EFR3B: variants seen among roughly 807,000 people sequenced by gnomAD.
EFR3B encodes the protein EFR3 homolog B, also known as protein EFR3 homolog B.
A neutral mutation model predicts 104.7 loss-of-function variants in EFR3B; 64 were observed. That is an observed-to-expected ratio of 0.61 (90% confidence interval 0.50 to 0.75). The LOEUF is 0.75. EFR3B is among the 30% of genes least tolerant of loss of function. EFR3B has a pLI of 0.00. For missense variants in EFR3B, 750 were observed against 1,078.5 expected (o/e 0.70, Z 4.27); for synonymous variants, 385 against 417.9 (o/e 0.92, Z 0.96).
intron 1 of EFR3B, among the ~76,000 whole-genome samples, chr2:25,051,882 C>T (rs1390713807): frequency 7.3e-5 from 11 of 150,230 alleles, no homozygotes; most frequent in South Asian, 2.1e-4. Context: ...TCAGGTGATC[C>T]GCCCACCTCG....
At chr2:25,141,131 C>T (rs935892340) in intron 16 of EFR3B, among the ~76,000 whole-genome samples, 1 of 151,784 alleles carries the variant, frequency 6.6e-6, no homozygotes, top group Admixed American at 6.6e-5. Context: ...TTGGAGGACA[C>T]TTAGTGCACA....
At chr2:25,091,195 C>T (rs1669103434) in intron 1 of EFR3B, 130 bp from the exon 2 acceptor site, 2 of 831,290 alleles carry the variant, frequency 2.4e-6, no homozygotes, top group African/African-American at 1.8e-5. Context: ...CCGAGCCCTC[C>T]AAGGGAGGGG....
intron 3 of EFR3B, among the ~76,000 whole-genome samples, chr2:25,097,014 A>G (rs1164016025): frequency 6.6e-6 from 1 of 152,250 alleles, no homozygotes; most frequent in Non-Finnish European, 1.5e-5. Flanking sequence ...TACTCAAGCA[A>G]GTAAAAATGA....
At chr2:25,067,146 A>T (rs1248697994) in intron 1 of EFR3B, among the ~76,000 whole-genome samples, 1 of 152,136 alleles carries the variant, frequency 6.6e-6, no homozygotes, top group Middle Eastern at 3.2e-3. Context: ...CTGAATTTTT[A>T]AATTTTATTT....
intron 19 of EFR3B, chr2:25,148,032 A>AC (rs905166733): frequency 2.6e-5 from 4 of 152,090 alleles, no homozygotes; most frequent in African/African-American, 9.7e-5. Flanking sequence ...TCTCAAAAAA[A>AC]AAAAAAAAAA....
In EFR3B at chr2:25,153,627, C is replaced by T. The variant is rs1312693758; in HGVS notation, c.2299-85C>T. ...GGCTGTGGCTGCCCTGTACCTCCAG[C>T]GTATACTCTGGACACCCTGAGCCAG... On this transcript the variant is annotated intron_variant, in intron 21 of 22. Coordinates refer to ENST00000403714, the MANE Select transcript of EFR3B (RefSeq NM_014971.2). 27 of 1,354,850 alleles carry T rather than the reference C, an allele frequency of 2.0e-5. No individual in the cohort carries two copies. In the East Asian group the frequency reaches 3.8e-4, roughly 19 times the overall value. The allele number at this position is 1,354,850 out of a possible 1,614,324, so 83.9% of individuals were successfully genotyped here. A position where few individuals can be genotyped will look rare whatever the true frequency, so the allele number is the denominator to read the frequency against.
chr2:25,068,925 G>C (rs1262357571), intron 1 of EFR3B, among the ~76,000 whole-genome samples: 1 of 140,688 alleles, frequency 7.1e-6, no homozygotes, highest in Non-Finnish European at 1.5e-5. Context: ...CACCGCGCCC[G>C]GCATCTTTTT....
chr2:25,085,558 C>T (rs535830414), intron 1 of EFR3B, among the ~76,000 whole-genome samples: 86 of 152,162 alleles, frequency 5.7e-4, no homozygotes, highest in African/African-American at 1.9e-3. Flanking sequence ...TCCACGTCCC[C>T]GGCTCAAGTG....
At position 25,148,501 on chromosome 2, in the gene EFR3B, C is replaced by T. The variant is rs971466174; in HGVS notation, c.2143-1193C>T. Among the ~76,000 whole-genome samples the T allele has an allele frequency of 2.0e-4, 31 of 151,898 alleles. No homozygotes were observed. The East Asian group carries it at 5.5e-3, about 27-fold the overall frequency. On this transcript the variant is annotated intron_variant, in intron 19 of 22. Coordinates refer to ENST00000403714, the MANE Select transcript of EFR3B (RefSeq NM_014971.2). ...AACTCCTGACCTCAAGTGATCCGCCCGCCTCAGCCTCCCAAAGTGCTGTGA... is the reference window on the plus strand; with the variant it reads ...AACTCCTGACCTCAAGTGATCCGCCTGCCTCAGCCTCCCAAAGTGCTGTGA...
intron 1 of EFR3B, among the ~76,000 whole-genome samples, chr2:25,051,847 C>T (rs1173854004): frequency 4.0e-5 from 6 of 150,540 alleles, no homozygotes; most frequent in Non-Finnish European, 7.4e-5. Flanking sequence ...ACCATGTTGG[C>T]CAGGCTGATC....
intron 1 of EFR3B, among the ~76,000 whole-genome samples, chr2:25,085,363 G>A (rs1257018617): frequency 1.3e-5 from 2 of 152,114 alleles, no homozygotes; most frequent in African/African-American, 4.8e-5. Flanking sequence ...TTTCCAATGT[G>A]CTACATTTGT....
chr2:25,075,796 A>C (rs1668616786), intron 1 of EFR3B, among the ~76,000 whole-genome samples: 1 of 152,218 alleles, frequency 6.6e-6, no homozygotes, highest in East Asian at 1.9e-4. Flanking sequence ...TAAATGAAAG[A>C]ATGCATAATG....
chr2:25,139,308 A>T, intron 16 of EFR3B, 118 bp downstream of exon 16: 1 of 1,251,948 alleles, frequency 8.0e-7, no homozygotes, highest in South Asian at 1.6e-5. Flanking sequence ...ACAGGGTTGA[A>T]GTAAGAACCA....
chr2:25,076,120 T>G (rs548653069), intron 1 of EFR3B, among the ~76,000 whole-genome samples: 1 of 152,258 alleles, frequency 6.6e-6, no homozygotes, highest in East Asian at 1.9e-4. Flanking sequence ...CTCAAACTCC[T>G]GGGCTCAAGT....
At chr2:25,081,413 C>T in intron 1 of EFR3B, 3 of 1,252,144 alleles carry the variant, frequency 2.4e-6, no homozygotes, top group Non-Finnish European at 2.3e-6. Flanking sequence ...TTTCTTTCTT[C>T]TGTACCTACT....
chr2:25,063,106 T>G (rs1184282630), intron 1 of EFR3B, among the ~76,000 whole-genome samples: 1 of 149,650 alleles, frequency 6.7e-6, no homozygotes, highest in Admixed American at 6.6e-5. Flanking sequence ...CCTGGCTAAT[T>G]TTTTTGTATT....
chr2:25,118,737 A>AAAG (rs1669933962), intron 4 of EFR3B, among the ~76,000 whole-genome samples: 1 of 139,658 alleles, frequency 7.2e-6, no homozygotes, highest in African/African-American at 2.6e-5. Flanking sequence ...AAAAAAAAAA[A>AAAG]AAAAAAAAAA....
chr2:25,139,890 G>A (rs370651730), intron 16 of EFR3B, among the ~76,000 whole-genome samples: 6 of 152,332 alleles, frequency 3.9e-5, no homozygotes, highest in African/African-American at 1.4e-4. Flanking sequence ...TAAGTGATCA[G>A]TAATTCCTTG....
At chr2:25,150,087 G>T (rs1165668340) in intron 20 of EFR3B, among the ~76,000 whole-genome samples, 1 of 152,092 alleles carries the variant, frequency 6.6e-6, no homozygotes, top group Non-Finnish European at 1.5e-5. Context: ...GGATCTCAAG[G>T]TCAGGAGTTG....
Sources: allele counts gnomAD v4.1 joint callset (sites outside exome capture counted in the v4.1 genomes callset), GRCh38; gene constraint gnomAD v4.1.1; transcripts MANE v1.5; gene names NCBI Gene and HGNC (gene_info 2026-07-23, HGNC 2026-07-21).